Variants in SIGLEC1 observed in about 807,000 individuals in gnomAD.
The protein encoded by SIGLEC1 is sialoadhesin.
In SIGLEC1, 132 loss-of-function variants were observed where a neutral mutation model predicts 148.0. That is an observed-to-expected ratio of 0.89 (90% CI 0.77 to 1.03). SIGLEC1 has a LOEUF of 1.03. Ranked by LOEUF, SIGLEC1 falls within the 50% of genes least tolerant of loss-of-function variation. SIGLEC1 has a pLI of 0.00. For synonymous variants in SIGLEC1, 945 were observed against 969.0 expected, an observed-to-expected ratio of 0.98 and a Z score of 0.46; for missense variants, 2,253 against 2,271.4, an observed-to-expected ratio of 0.99 and a Z score of 0.16.
intron 20 of SIGLEC1, 158 bp downstream of exon 20, chr20:3,689,441 AC>A: frequency 1.5e-6 from 1 of 655,994 alleles, no homozygotes; most frequent in South Asian, 1.9e-5. Flanking sequence ...GGATTTAGGG[AC>A]AATTCTAGAA....
At chr20:3,706,775 G>A (rs2087899997) in intron 2 of SIGLEC1, 69 bp from the exon 3 acceptor site, 12 of 1,458,942 alleles carry the variant, frequency 8.2e-6, no homozygotes, top group African/African-American at 2.8e-5. Context: ...AGAGCCCTGC[G>A]ACCTGCCCCA....
In SIGLEC1 at chr20:3,693,122, C is replaced by T. The variant is rs749892938; in HGVS notation, c.3518G>A (p.Arg1173His). 31 of 1,560,458 alleles carry T rather than the reference C, an allele frequency of 2.0e-5. No individual in the cohort carries two copies. The highest frequency in any genetic ancestry group is 3.8e-5 in the Admixed American group (2 of 53,330). The part of the protein sequence containing the change: ...PITLDVLYAP[R>H]NLRLTYLLES... Reference sequence around the variant, plus strand: ...CAGGAGGTAGGTCAGGCGCAGGTTGCGGGGCGCGTCTGCAGGGCATGAGAG... The same window carrying T: ...CAGGAGGTAGGTCAGGCGCAGGTTGTGGGGCGCGTCTGCAGGGCATGAGAG... Residue 1173 changes from arginine (R) to histidine (H), a missense_variant, in exon 15 of 22, where the codon CGC becomes CAC. Transcript: ENST00000344754.
chr20:3,708,264 C>A (rs1049292304), intron 1 of SIGLEC1, among the ~76,000 whole-genome samples: 3 of 152,126 alleles, frequency 2.0e-5, no homozygotes, highest in African/African-American at 7.2e-5. Flanking sequence ...GGCCCTCAAC[C>A]ATGGAGTGCC....
At chr20:3,691,688 C>T (rs2088765127) in intron 17 of SIGLEC1, 88 bp from the exon 18 acceptor site, 1 of 1,511,220 alleles carries the variant, frequency 6.6e-7, no homozygotes. Flanking sequence ...GGCCTCTGCA[C>T]ATTGTGGGAA....
intron 7 of SIGLEC1, among the ~76,000 whole-genome samples, chr20:3,701,044 C>T (rs2087847083): frequency 6.6e-6 from 1 of 152,148 alleles, no homozygotes; most frequent in Non-Finnish European, 1.5e-5. Context: ...TGACTGCTAG[C>T]ATAGAGCCTG....
At chr20:3,707,692 C>G (rs1196269422) in intron 1 of SIGLEC1, among the ~76,000 whole-genome samples, 1 of 152,184 alleles carries the variant, frequency 6.6e-6, no homozygotes, top group Non-Finnish European at 1.5e-5. Context: ...AACAGTCACT[C>G]CCCTGCTCAA....
chr20:3,707,057 G>A (rs1424206921), intron 2 of SIGLEC1, 23 bp downstream of exon 2: 1 of 1,611,706 alleles, frequency 6.2e-7, no homozygotes, highest in Non-Finnish European at 8.5e-7. Flanking sequence ...CTGGAAGACA[G>A]GCACTAGGCC....
rs1203864452 is a variant in SIGLEC1 at position 3,691,885 on chromosome 20, C to T, written c.4330+18G>A. On this transcript the variant is annotated intron_variant, in intron 17 of 21. Transcript: ENST00000344754. ...TGAGAGCATCAGAGCCCCTCCTCCT[C>T]CCCTCTCTTCCACTCACCTTCTACC... 7 of 1,553,102 alleles carry T rather than the reference C, an allele frequency of 4.5e-6. No individual in the cohort carries two copies. The highest frequency in any genetic ancestry group is 6.1e-6 in the Non-Finnish European group (7 of 1,143,346).
At chr20:3,694,017 A>G (rs543910511) in intron 13 of SIGLEC1, among the ~76,000 whole-genome samples, 1 of 152,154 alleles carries the variant, frequency 6.6e-6, no homozygotes, top group South Asian at 2.1e-4. Flanking sequence ...GTTTAGTTTT[A>G]TCCACTGGGC....
chr20:3,705,510 C>G (rs2087885651), intron 4 of SIGLEC1, among the ~76,000 whole-genome samples: 1 of 152,038 alleles, frequency 6.6e-6, no homozygotes, highest in Non-Finnish European at 1.5e-5. Flanking sequence ...CTTTCTCTGC[C>G]CAGCCTGGCC....
chr20:3,710,783 G>A lies in SIGLEC1; in HGVS notation c.-110+1687C>T, dbSNP rs953808036. On this transcript the variant is annotated intron_variant, in intron 1 of 21. Coordinates refer to ENST00000344754, the MANE Select transcript of SIGLEC1 (RefSeq NM_023068.4). The surrounding 1 kb of genome is among the most constrained non-coding windows in gnomAD (Gnocchi z 4.6). ...CGACCCTGGAACAGGGCGCGGGGGAGGACCCTTTCCAGGACCACTCCCATC... is the reference window on the plus strand; with the variant it reads ...CGACCCTGGAACAGGGCGCGGGGGAAGACCCTTTCCAGGACCACTCCCATC... Among the ~76,000 whole-genome samples, 17 of 152,344 alleles carry A rather than the reference G, an allele frequency of 1.1e-4. No homozygotes were observed. Among genetic ancestry groups the A allele is most frequent in the Middle Eastern group, 3.4e-3 (1 of 294 alleles).
Position 3,689,164 on chromosome 20 carries a change from CT to C in SIGLEC1, c.5060del (p.Glu1687GlyfsTer40). ...TGTGTTGAATGGATACCTGCGTGGTCTCTTTCTGAAAAGCCATCTCCACCGA... is the reference window on the plus strand; with the variant it reads ...TGTGTTGAATGGATACCTGCGTGGTCCTTTCTGAAAAGCCATCTCCACCGA... ...ENSVEMAFQK[E>X]TTQLIDPDAA... On this transcript the variant is annotated frameshift_variant, in exon 21 of 22. Transcript: ENST00000344754. LOFTEE classifies it low-confidence loss of function (END_TRUNC). The C allele has an allele frequency of 6.2e-7, 1 of 1,614,006 alleles. No individual in the cohort carries two copies. The highest frequency in any genetic ancestry group is 8.5e-7 in the Non-Finnish European group (1 of 1,179,876).
chr20:3,690,036 T>TC lies in SIGLEC1; in HGVS notation c.4819dup (p.Asp1607GlyfsTer66). On this transcript the variant is annotated frameshift_variant, in exon 19 of 22. Transcript: ENST00000344754. LOFTEE classifies it high-confidence loss of function. ...GGCAGAACAGATGTATTCCCCTTGG[T>TC]CGCTGGGCCTCAGCGCCTCGATGTC... 1 of 1,612,954 alleles carries TC rather than the reference T, an allele frequency of 6.2e-7. No individual in the cohort carries two copies. The highest frequency in any genetic ancestry group is 8.5e-7 in the Non-Finnish European group (1 of 1,179,762).
At chr20:3,697,484 C>G in intron 9 of SIGLEC1, 142 bp from the exon 10 acceptor site, 2 of 1,050,378 alleles carry the variant, frequency 1.9e-6, no homozygotes, top group Non-Finnish European at 1.4e-6. Flanking sequence ...GCTCACAGGG[C>G]AGCCTAGGAG....
rs754025152 is a variant in SIGLEC1, at chr20:3,705,779, T to C, written c.671A>G (p.His224Arg). ...GAGGTGAATCTCGCTCTGAGCCCTGTGATTGGCCACGGAGAGCTGGCAGCG... is the reference window on the plus strand; with the variant it reads ...GAGGTGAATCTCGCTCTGAGCCCTGCGATTGGCCACGGAGAGCTGGCAGCG... ...ILRCQLSVAN[H>R]RAQSEIHLQV... is the part of the protein sequence containing the mutation. The change falls in exon 4 of 22, where the codon CAC (histidine) becomes CGC (arginine). Residue 224 changes from histidine to arginine, a missense_variant. Coordinates refer to ENST00000344754, the MANE Select transcript of SIGLEC1 (RefSeq NM_023068.4). The C allele has an allele frequency of 6.2e-7, 1 of 1,612,886 alleles. No individual in the cohort carries two copies. The highest frequency in any genetic ancestry group is 8.5e-7 in the Non-Finnish European group (1 of 1,179,156).
intron 17 of SIGLEC1, 92 bp from the exon 18 acceptor site, chr20:3,691,692 G>A: frequency 6.7e-7 from 1 of 1,499,482 alleles, no homozygotes; most frequent in Non-Finnish European, 9.0e-7. Context: ...TCTGCACATT[G>A]TGGGAAGGTC....
In SIGLEC1 at chr20:3,703,762, C is replaced by G; in HGVS notation, c.973+63G>C. 3 of 1,596,216 alleles carry G rather than the reference C, an allele frequency of 1.9e-6. No homozygotes were observed. In the Admixed American group the frequency reaches 5.1e-5, roughly 27 times the overall value. The stretch of plus-strand genomic sequence containing the variant: ...GCCCTGCCCTGCCCTGTCTCCCCTC[C>G]GTCCCTGAGGCCTGAGCTCCTCCCT... On this transcript the variant is annotated intron_variant, in intron 5 of 21. Transcript: ENST00000344754.
In SIGLEC1 at chr20:3,703,904, G is replaced by A. The variant is rs755853599; in HGVS notation, c.894C>T (p.Ser298=). Residue 298 remains serine (S), a synonymous_variant, in exon 5 of 22, where the codon AGC becomes AGT. Transcript: ENST00000344754. ...GVLHLPQAAW[S]DAGVYTCQAE... is the part of the protein sequence containing the mutation. ...CTTGGCAGGTGTAGACGCCAGCATC[G>A]CTCCAGGCTGCCTGGGGCAGGTGCA... is the stretch of plus-strand genomic sequence containing the variant. The A allele has an allele frequency of 1.9e-5, 31 of 1,613,898 alleles. No homozygotes were observed. Among genetic ancestry groups the A allele is most frequent in the Middle Eastern group, 1.6e-4 (1 of 6,084 alleles).
chr20:3,688,060 AT>A lies in SIGLEC1; in HGVS notation c.*499del. The stretch of plus-strand genomic sequence containing the variant: ...AGATAGAAGGATCCTGAGCCCCAAC[AT>A]CATAAACCATCGTAACAGCCAGACT... On this transcript the variant is annotated 3_prime_UTR_variant, in exon 22 of 22. Coordinates refer to ENST00000344754, the MANE Select transcript of SIGLEC1 (RefSeq NM_023068.4). 5.6e-6 allele frequency: 1 copy of A among 177,388 alleles called. No homozygotes were observed. Among genetic ancestry groups the A allele is most frequent in the South Asian group, 1.2e-4 (1 of 8,628 alleles). The allele number at this position is 177,388 out of a possible 1,614,324, so 11.0% of individuals were successfully genotyped here.
Sources: allele counts gnomAD v4.1 joint callset (sites outside exome capture counted in the v4.1 genomes callset), GRCh38; gene constraint gnomAD v4.1.1; non-coding constraint Gnocchi (gnomAD v3.1); transcripts MANE v1.5; gene names NCBI Gene and HGNC (gene_info 2026-07-23, HGNC 2026-07-21).